Variants in ESYT3 observed in about 807,000 individuals in gnomAD.
ESYT3 encodes extended synaptotagmin 3, also known as extended synaptotagmin-3.
ESYT3 carries 101 observed loss-of-function variants against 111.5 expected under a neutral mutation model. That is an observed-to-expected ratio of 0.91 (90% CI 0.77 to 1.07). The LOEUF (loss-of-function observed/expected upper bound fraction) is 1.07, where lower values mean the gene tolerates loss of function less well. Ranked by LOEUF, ESYT3 falls within the 50% of genes least tolerant of loss-of-function variation. The probability of loss-of-function intolerance (pLI) is 0.00; values close to 1 mark genes in which losing one functional copy is unlikely to be tolerated. For missense variants in ESYT3, 1,097 were observed against 1,109.4 expected (o/e 0.99, Z 0.16); for synonymous variants, 416 against 446.8 (o/e 0.93, Z 0.87).
intron 10 of ESYT3, among the ~76,000 whole-genome samples, chr3:138,465,663 G>A (rs565662161): frequency 2.0e-5 from 3 of 152,166 alleles, no homozygotes; most frequent in African/African-American, 7.2e-5. Flanking sequence ...CCCAAGATTT[G>A]TATATTACGG....
chr3:138,472,994 G>A lies in ESYT3; in HGVS notation c.2237+135G>A, dbSNP rs1384745671. Reference sequence around the variant, plus strand: ...AAATATCTTCCTAAGAGGCAGCATGGTGTGGTAGAAAGAACACAGGACAAG... The same window carrying A: ...AAATATCTTCCTAAGAGGCAGCATGATGTGGTAGAAAGAACACAGGACAAG... On this transcript the variant is annotated intron_variant, in intron 18 of 22. Transcript: ENST00000389567. The A allele has an allele frequency of 8.0e-6, 12 of 1,500,982 alleles. No homozygotes were observed. In the South Asian group the frequency reaches 1.5e-4, roughly 19 times the overall value. The allele number at this position is 1,500,982 out of a possible 1,614,324, so 93.0% of individuals were successfully genotyped here.
In ESYT3 at chr3:138,450,381, A is replaced by G. The variant is rs543429796; in HGVS notation, c.328-1667A>G. ...AGAGAATGTTTGCTGAGCAGGTGGC[A>G]TCACTCCCACTGAACTGAGCTCCTG... is the stretch of plus-strand genomic sequence containing the variant. On this transcript the variant is annotated intron_variant, in intron 1 of 22. Transcript: ENST00000389567. Among the ~76,000 whole-genome samples, 3 of 152,296 alleles carry G rather than the reference A, an allele frequency of 2.0e-5. No homozygotes were observed. The South Asian group carries it at 6.2e-4, about 32-fold the overall frequency.
chr3:138,470,703 G>C, intron 16 of ESYT3, 174 bp from the exon 17 acceptor site: 2 of 1,433,656 alleles, frequency 1.4e-6, no homozygotes, highest in Admixed American at 2.8e-5. Flanking sequence ...TTCCCTGACA[G>C]AAGACAAGGA....
intron 1 of ESYT3, among the ~76,000 whole-genome samples, chr3:138,439,842 TA>T (rs1173568409): frequency 6.6e-6 from 1 of 152,244 alleles, no homozygotes; most frequent in African/African-American, 2.4e-5. Flanking sequence ...CTGTGGTTTC[TA>T]GCCAGGCTGG....
Position 138,464,400 on chromosome 3 carries a change from T to G in ESYT3, c.971T>G (p.Phe324Cys). Residue 324 changes from phenylalanine to cysteine, a missense_variant, in exon 9 of 23, where the codon TTT becomes TGT. Physicochemically the swap from Phe to Cys is radical, Grantham distance 205. Coordinates refer to ENST00000389567, the MANE Select transcript of ESYT3 (RefSeq NM_031913.5). ...EAEQLAQKDN[F>C]LGLRGKSDPY... is the part of the protein sequence containing the mutation. ...GAGCAGCTGGCCCAGAAGGACAACT[T>G]TCTGGGGCTCCGAGGCAAGTCAGAT... 1 of 1,614,100 alleles carries G rather than the reference T, an allele frequency of 6.2e-7. No homozygotes were observed. Among genetic ancestry groups the G allele is most frequent in the Non-Finnish European group, 8.5e-7 (1 of 1,179,994 alleles).
chr3:138,465,321 A>T lies in ESYT3; in HGVS notation c.1087-18A>T. On this transcript the variant is annotated intron_variant, in intron 9 of 22. Transcript: ENST00000389567. ...TCGACTGTTGCCTGCAGGTCAAGAC[A>T]CCTCTTTTTCCTTCCAGTTCATGGT... 1 of 1,565,814 alleles carries T rather than the reference A, an allele frequency of 6.4e-7. No individual in the cohort carries two copies. The highest frequency in any genetic ancestry group is 8.7e-7 in the Non-Finnish European group (1 of 1,151,736).
At chr3:138,452,340 C>A (rs1233544957) in intron 2 of ESYT3, among the ~76,000 whole-genome samples, 2 of 152,214 alleles carry the variant, frequency 1.3e-5, no homozygotes, top group Admixed American at 6.5e-5. Context: ...ACAATCCCCA[C>A]TAGCTCACCA....
intron 10 of ESYT3, 30 bp from the exon 11 acceptor site, chr3:138,467,531 G>A: frequency 6.2e-7 from 1 of 1,613,530 alleles, no homozygotes; most frequent in Non-Finnish European, 8.5e-7. Context: ...CCTCTGAGCT[G>A]ACCCAATCCC....
Position 138,474,178 on chromosome 3 carries a change from G to A in ESYT3, c.2337-43G>A, listed in dbSNP as rs566118018. 7.6e-6 allele frequency: 12 copies of A among 1,582,138 alleles called. No individual in the cohort carries two copies. The South Asian group carries it at 1.4e-4, about 18-fold the overall frequency. ...TCAAATGTTCAGTGTTTGAAAACCA[G>A]GGCCCTTTTTTTTTTTTCCTAATGT... is the stretch of plus-strand genomic sequence containing the variant. On this transcript the variant is annotated intron_variant, in intron 19 of 22. Transcript: ENST00000389567.
chr3:138,463,557 G>A (rs2032764877), intron 8 of ESYT3, among the ~76,000 whole-genome samples: 1 of 152,070 alleles, frequency 6.6e-6, no homozygotes, highest in South Asian at 2.1e-4. Context: ...TGTTGTGTTG[G>A]GTCTTTCACT....
At chr3:138,470,173 C>G in intron 16 of ESYT3, 27 bp downstream of exon 16, 1 of 1,606,876 alleles carries the variant, frequency 6.2e-7, no homozygotes, top group Non-Finnish European at 8.5e-7. Context: ...GCTCTTGAAA[C>G]AGAGTTAAGA....
At chr3:138,454,182 GGCTGCAGTGA>G (rs1214099217) in intron 2 of ESYT3, among the ~76,000 whole-genome samples, 1 of 152,198 alleles carries the variant, frequency 6.6e-6, no homozygotes, top group East Asian at 1.9e-4. Context: ...GGGAGGTTGA[GGCTGCAGTGA>G]GCTGTAATCA....
rs368357672 is a variant in ESYT3 at position 138,459,178 on chromosome 3, C to T, written c.582-9C>T. 1 of 1,502,000 alleles carries T rather than the reference C, an allele frequency of 6.7e-7. No individual in the cohort carries two copies. The highest frequency in any genetic ancestry group is 1.3e-5 in the South Asian group (1 of 74,320). The allele number at this position is 1,502,000 out of a possible 1,614,324, so 93.0% of individuals were successfully genotyped here. On this transcript the variant is annotated splice_polypyrimidine_tract_variant and intron_variant, in intron 4 of 22. Coordinates refer to ENST00000389567, the MANE Select transcript of ESYT3 (RefSeq NM_031913.5). ...CCTCCCCACCTTCCTTTTCCACCCC[C>T]CATTTCAGCTACATCGGGGACTGTG...
intron 17 of ESYT3, 68 bp downstream of exon 17, chr3:138,471,094 C>G: frequency 7.5e-7 from 1 of 1,332,830 alleles, no homozygotes; most frequent in South Asian, 1.2e-5. Context: ...GGTGTACTGC[C>G]CCAGCACTAA....
downstream of ESYT3, chr3:138,480,538 C>T (rs773978077): frequency 3.3e-5 from 5 of 152,022 alleles, no homozygotes; most frequent in Admixed American, 6.6e-5. Flanking sequence ...TTGCTTGATA[C>T]AATGTTAAAA....
In ESYT3 at chr3:138,465,394, A is replaced by G; in HGVS notation, c.1142A>G (p.Asp381Gly). The change falls in exon 10 of 23, where the codon GAT becomes GGT. Residue 381 changes from aspartate (D) to glycine (G), a missense_variant. Coordinates refer to ENST00000389567, the MANE Select transcript of ESYT3 (RefSeq NM_031913.5). ...QDLEVDLYDE[D>G]TDRDDFLGSL... ...CTGGAGGTAGACCTGTATGATGAGGATACCGACAGGGATGACTTCCTGGGC... is the reference window on the plus strand; with the variant it reads ...CTGGAGGTAGACCTGTATGATGAGGGTACCGACAGGGATGACTTCCTGGGC... The G allele has an allele frequency of 6.3e-7, 1 of 1,595,462 alleles. No homozygotes were observed. The highest frequency in any genetic ancestry group is 1.7e-5 in the Admixed American group (1 of 57,384).
Position 138,470,905 on chromosome 3 carries a change from T to G in ESYT3, c.1619T>G (p.Leu540Arg), listed in dbSNP as rs1272374153. 5 of 1,614,058 alleles carry G rather than the reference T, an allele frequency of 3.1e-6. No individual in the cohort carries two copies. The highest frequency in any genetic ancestry group is 4.2e-6 in the Non-Finnish European group (5 of 1,180,032). The change falls in exon 17 of 23, where the codon CTG (leucine) becomes CGG (arginine). Residue 540 changes from leucine (L) to arginine (R), a missense_variant. Physicochemically the swap from Leu to Arg is moderately radical, Grantham distance 102. Coordinates refer to ENST00000389567, the MANE Select transcript of ESYT3 (RefSeq NM_031913.5). ...KVLDDDQECA[L>R]GMLEVPLCQI... is the part of the protein sequence containing the mutation. ...CTTGATGATGACCAGGAGTGTGCTC[T>G]GGGAATGCTGGAGGTCCCCCTGTGC...
Position 138,479,534 on chromosome 3 carries a change from G to A in ESYT3, c.*2680G>A, listed in dbSNP as rs1265839159. 2 of 152,200 alleles carry A rather than the reference G, an allele frequency of 1.3e-5. No individual in the cohort carries two copies. The highest frequency in any genetic ancestry group is 4.8e-5 in the African/African-American group (2 of 41,446). The allele number at this position is 152,200 out of a possible 1,614,324, so 9.4% of individuals were successfully genotyped here. A position where few individuals can be genotyped will look rare whatever the true frequency, so the allele number is the denominator to read the frequency against. ...GCTGATGTTTGGCTTTGCCAATAGG[G>A]GGCGATGGAAGGACACTCTATAGCA... On this transcript the variant is annotated 3_prime_UTR_variant, in exon 23 of 23. Transcript: ENST00000389567.
At chr3:138,466,590 A>G (rs976658308) in intron 10 of ESYT3, among the ~76,000 whole-genome samples, 1 of 152,158 alleles carries the variant, frequency 6.6e-6, no homozygotes, top group Non-Finnish European at 1.5e-5. Context: ...ACAGTTATAT[A>G]GAATTACATT....
Sources: allele counts gnomAD v4.1 joint callset (sites outside exome capture counted in the v4.1 genomes callset), GRCh38; gene constraint gnomAD v4.1.1; transcripts MANE v1.5; gene names NCBI Gene and HGNC (gene_info 2026-07-23, HGNC 2026-07-21).